GRIN2B: variants seen among roughly 807,000 people sequenced by gnomAD.
GRIN2B encodes glutamate ionotropic receptor NMDA type subunit 2B, also known as glutamate receptor ionotropic, NMDA 2B.
A neutral mutation model predicts 114.5 loss-of-function variants in GRIN2B; 5 were observed. That is an observed-to-expected ratio of 0.04 (90% confidence interval 0.02 to 0.09). The LOEUF is 0.09. GRIN2B is among the 10% of genes least tolerant of loss of function. GRIN2B has a pLI of 1.00. For synonymous variants in GRIN2B, 787 were observed against 745.1 expected, an observed-to-expected ratio of 1.06 and a Z score of -0.92; for missense variants, 1,108 against 1,943.5, an observed-to-expected ratio of 0.57 and a Z score of 8.08.
rs1293069677 is a variant in GRIN2B, at chr12:13,560,057, G to C, written c.*2726C>G. On this transcript the variant is annotated 3_prime_UTR_variant, in exon 14 of 14. Coordinates refer to ENST00000609686, the MANE Select transcript of GRIN2B (RefSeq NM_000834.5). ...AACCTAGGGTCTACCTAGAAGATAG[G>C]AGTCAGACCTGGGGTTTGCTTAGAG... The C allele has an allele frequency of 6.6e-6, 1 of 152,190 alleles. No individual in the cohort carries two copies. The highest frequency in any genetic ancestry group is 1.5e-5 in the Non-Finnish European group (1 of 68,036). The allele number at this position is 152,190 out of a possible 1,614,324, so 9.4% of individuals were successfully genotyped here.
intron 3 of GRIN2B, among the ~76,000 whole-genome samples, chr12:13,790,687 C>T (rs1864305578): frequency 6.6e-6 from 1 of 152,164 alleles, no homozygotes; most frequent in Non-Finnish European, 1.5e-5. Flanking sequence ...GGCATGGTCA[C>T]TGTTCATTGG....
chr12:13,809,534 A>T (rs773749066), intron 3 of GRIN2B, among the ~76,000 whole-genome samples: 1 of 152,236 alleles, frequency 6.6e-6, no homozygotes, highest in Non-Finnish European at 1.5e-5. Flanking sequence ...TGTGACTCAA[A>T]ATCCTAAAAT....
At chr12:13,571,103 G>GGTATTGAGACAA (rs1416587937) in intron 11 of GRIN2B, among the ~76,000 whole-genome samples, 4 of 152,074 alleles carry the variant, frequency 2.6e-5, no homozygotes, top group African/African-American at 9.7e-5. Flanking sequence ...GAGCTACAAG[G>GGTATTGAGACAA]GTATTGAGAC....
chr12:13,765,843 C>G (rs1162318994), intron 3 of GRIN2B, among the ~76,000 whole-genome samples: 1 of 105,900 alleles, frequency 9.4e-6, no homozygotes, highest in Admixed American at 1.0e-4. Flanking sequence ...CAGGGTGCAC[C>G]CACCAACCAC....
At chr12:13,964,764 G>A (rs1334300692) in intron 2 of GRIN2B, among the ~76,000 whole-genome samples, 1 of 152,202 alleles carries the variant, frequency 6.6e-6, no homozygotes, top group East Asian at 1.9e-4. Context: ...CAAAGATGAA[G>A]CGGGTTTGGG....
intron 4 of GRIN2B, among the ~76,000 whole-genome samples, chr12:13,745,216 C>T (rs527893868): frequency 6.6e-6 from 1 of 152,270 alleles, no homozygotes; most frequent in Admixed American, 6.5e-5. Flanking sequence ...CAGTCCATGT[C>T]TGTAACCAGA....
chr12:13,732,410 T>C lies in GRIN2B; in HGVS notation c.1010+20907A>G, dbSNP rs79419178. On this transcript the variant is annotated intron_variant, in intron 4 of 13. Transcript: ENST00000609686. The stretch of plus-strand genomic sequence containing the variant: ...AGTGTCAAGTCCAAATCTTTGTTCA[T>C]GCTATTATTCCCATTTGAAGAAACT... Among the ~76,000 whole-genome samples, 72 of 152,302 alleles carry C rather than the reference T, an allele frequency of 4.7e-4. No individual in the cohort carries two copies. The East Asian group carries it at 0.011, about 23-fold the overall frequency.
At chr12:13,945,485 C>T (rs558299273) in intron 2 of GRIN2B, among the ~76,000 whole-genome samples, 2 of 152,124 alleles carry the variant, frequency 1.3e-5, no homozygotes, top group African/African-American at 2.4e-5. Context: ...GCTGTTGATA[C>T]GAGAACCTTG....
At chr12:13,623,798 C>T (rs977839512) in intron 5 of GRIN2B, among the ~76,000 whole-genome samples, 8 of 152,152 alleles carry the variant, frequency 5.3e-5, no homozygotes, top group African/African-American at 1.4e-4. Context: ...TGCAGTAGAA[C>T]ATAATATTCT....
intron 10 of GRIN2B, among the ~76,000 whole-genome samples, chr12:13,588,137 G>A (rs1805490): frequency 0.22 from 33,053 of 152,112 alleles, 4,165 homozygotes; most frequent in East Asian, 0.37. Context: ...GGTCTGAAAT[G>A]TGCATCTCAT....
chr12:13,742,478 T>C (rs535250561), intron 4 of GRIN2B, among the ~76,000 whole-genome samples: 1 of 152,320 alleles, frequency 6.6e-6, no homozygotes, highest in South Asian at 2.1e-4. Flanking sequence ...TTGCCGAGGC[T>C]GGAGTACAGT....
chr12:13,960,467 C>A (rs1031866642), intron 2 of GRIN2B, among the ~76,000 whole-genome samples: 3 of 151,990 alleles, frequency 2.0e-5, no homozygotes, highest in African/African-American at 7.3e-5. Flanking sequence ...GCTCTACTGC[C>A]TTTTTGTGGC....
intron 2 of GRIN2B, among the ~76,000 whole-genome samples, chr12:13,960,545 A>G (rs1269489337): frequency 6.6e-6 from 1 of 152,148 alleles, no homozygotes; most frequent in African/African-American, 2.4e-5. Flanking sequence ...TACTGGGGGC[A>G]TGGAGGAGAC....
chr12:13,683,828 G>A (rs1950152999), intron 4 of GRIN2B: 1 of 152,228 alleles, frequency 6.6e-6, no homozygotes, highest in Non-Finnish European at 1.5e-5. Flanking sequence ...TAAGCATTAT[G>A]TATTAGTTGT....
chr12:13,856,253 G>A (rs73055696), intron 3 of GRIN2B, among the ~76,000 whole-genome samples: 1 of 152,168 alleles, frequency 6.6e-6, no homozygotes, highest in African/African-American at 2.4e-5. Context: ...ATTTAGTGTG[G>A]CTTGACATTG....
At chr12:13,885,052 G>A (rs1866132475) in intron 2 of GRIN2B, among the ~76,000 whole-genome samples, 1 of 151,982 alleles carries the variant, frequency 6.6e-6, no homozygotes. Context: ...AAGATAATCA[G>A]GCCATAAAAA....
intron 4 of GRIN2B, among the ~76,000 whole-genome samples, chr12:13,696,331 G>A (rs1950258543): frequency 6.6e-6 from 1 of 152,160 alleles, no homozygotes; most frequent in African/African-American, 2.4e-5. Flanking sequence ...CTTCAGACAT[G>A]AGAATACTAG....
rs202051424 is a variant in GRIN2B at position 13,562,825 on chromosome 12, C to T, written c.4413G>A (p.Gly1471=). 1.6e-5 allele frequency: 26 copies of T among 1,614,042 alleles called. No homozygotes were observed. The highest frequency in any genetic ancestry group is 2.2e-5 in the Non-Finnish European group (26 of 1,179,984). The change falls in exon 14 of 14, where the codon GGG becomes GGA. Residue 1471 remains glycine, a synonymous_variant. Coordinates refer to ENST00000609686, the MANE Select transcript of GRIN2B (RefSeq NM_000834.5). ...TACTAGAAAGTTTCTCATAAACATG[C>T]CCATTGCTGGAGCCATTGAAAGCCC... ...NPRAFNGSSN[G]HVYEKLSSIE... is the part of the protein sequence containing the mutation.
intron 3 of GRIN2B, among the ~76,000 whole-genome samples, chr12:13,807,321 G>A (rs951614207): frequency 5.3e-5 from 8 of 152,096 alleles, no homozygotes; most frequent in African/African-American, 1.7e-4. Context: ...TAGTCGCTGT[G>A]TGGACAATTG....
Sources: gnomAD v4.1 joint callset for allele counts (sites outside exome capture counted in the v4.1 genomes callset) on GRCh38, gnomAD v4.1.1 for gene constraint, MANE v1.5 for transcripts, NCBI Gene and HGNC (gene_info 2026-07-23, HGNC 2026-07-21) for gene names.